The following MTUS2 variants were observed in gnomAD, a reference collection of about 807,000 sequenced individuals.
MTUS2 encodes the protein microtubule associated scaffold protein 2, also known as microtubule-associated tumor suppressor candidate 2.
A neutral mutation model predicts 114.1 loss-of-function variants in MTUS2; 40 were observed. The ratio of observed to expected loss-of-function variants is 0.35; its 90% CI spans 0.27 to 0.46. MTUS2 has a LOEUF of 0.46. Among genes scored for constraint, MTUS2 ranks in the 20% least tolerant of loss-of-function variants. The pLI, the probability that MTUS2 is intolerant of heterozygous loss-of-function variation, is 1.00. For missense variants in MTUS2, 1,679 were observed against 1,705.4 expected, an observed-to-expected ratio of 0.98 and a Z score of 0.27; for synonymous variants, 688 against 672.0, an observed-to-expected ratio of 1.02 and a Z score of -0.37.
At chr13:29,268,184 G>T (rs1434729169) in intron 5 of MTUS2, among the ~76,000 whole-genome samples, 1 of 152,138 alleles carries the variant, frequency 6.6e-6, no homozygotes, top group African/African-American at 2.4e-5. Context: ...TGTGTGATAG[G>T]CATCAGATTT....
intron 7 of MTUS2, among the ~76,000 whole-genome samples, chr13:29,343,276 A>G (rs758224509): frequency 2.6e-5 from 4 of 152,064 alleles, no homozygotes; most frequent in Non-Finnish European, 5.9e-5. Context: ...CTGGGAACTC[A>G]TCTGGTCCTA....
chr13:28,886,853 A>G (rs1270863118), intron 2 of MTUS2, among the ~76,000 whole-genome samples: 1 of 152,228 alleles, frequency 6.6e-6, no homozygotes, highest in Non-Finnish European at 1.5e-5. Context: ...ATGCAGAATG[A>G]TGGCCATGGG....
chr13:29,256,499 A>AG (rs1238670798), intron 5 of MTUS2, among the ~76,000 whole-genome samples: 1 of 152,230 alleles, frequency 6.6e-6, no homozygotes, highest in Non-Finnish European at 1.5e-5. Context: ...AGCACCACGG[A>AG]GGGACAAGGG....
intron 5 of MTUS2, among the ~76,000 whole-genome samples, chr13:29,113,118 T>C (rs778650804): frequency 6.6e-6 from 1 of 152,182 alleles, no homozygotes; most frequent in Non-Finnish European, 1.5e-5. Context: ...TCCCCATGCA[T>C]GATAATTTAT....
In MTUS2 at chr13:29,434,029, A is replaced by T. The variant is rs185992895; in HGVS notation, c.3118-5954A>T. Among the ~76,000 whole-genome samples, 70 of 152,308 alleles carry T rather than the reference A, an allele frequency of 4.6e-4. No homozygotes were observed. The East Asian group carries it at 0.012, about 26-fold the overall frequency. ...ACAGGGTTGGATTTTCCTGATCCAC[A>T]CGGATTTCAGAGCAGGCTAAAAATA... is the stretch of plus-strand genomic sequence containing the variant. On this transcript the variant is annotated intron_variant, in intron 8 of 15. Transcript: ENST00000612955.
At chr13:29,440,317 T>C (rs1168288790) in intron 9 of MTUS2, among the ~76,000 whole-genome samples, 1 of 152,204 alleles carries the variant, frequency 6.6e-6, no homozygotes, top group Admixed American at 6.5e-5. Flanking sequence ...TGGCAGCTCA[T>C]ACATCAGTCT....
intron 5 of MTUS2, among the ~76,000 whole-genome samples, chr13:29,226,200 T>C (rs1175118921): frequency 6.6e-6 from 1 of 152,162 alleles, no homozygotes; most frequent in East Asian, 1.9e-4. Context: ...TACATTCACT[T>C]TAGGTTAAGT....
At chr13:29,471,834 C>G (rs1432367603) in intron 9 of MTUS2, among the ~76,000 whole-genome samples, 1 of 150,868 alleles carries the variant, frequency 6.6e-6, no homozygotes, top group Non-Finnish European at 1.5e-5. Context: ...TTACGGGACC[C>G]CTAGTAGGCT....
rs74443969 is a variant in MTUS2 at position 29,488,118 on chromosome 13, C to G, written c.3505+113C>G. The G allele has an allele frequency of 2.9e-3, 2,340 of 795,412 alleles. 39 individuals carry two copies. In the East Asian group the frequency reaches 0.042, roughly 14 times the overall value. 49.3% of individuals were successfully genotyped at this position (795,412 alleles called of 1,614,324 possible). ...CTCTTGTCCCTCCTTTCCTGTCTTT[C>G]CCTCCTGGTGCATTTTTTCCTGTTG... is the stretch of plus-strand genomic sequence containing the variant. On this transcript the variant is annotated intron_variant, in intron 11 of 15. Coordinates refer to ENST00000612955, the MANE Select transcript of MTUS2 (RefSeq NM_001033602.4).
chr13:29,001,750 A>T (rs1038574882), intron 2 of MTUS2, among the ~76,000 whole-genome samples: 2 of 152,156 alleles, frequency 1.3e-5, no homozygotes, highest in Non-Finnish European at 2.9e-5. Flanking sequence ...AGGTAAGGAT[A>T]TTGAGTTGGA....
At chr13:29,460,523 T>C (rs1482175605) in intron 9 of MTUS2, among the ~76,000 whole-genome samples, 3 of 152,184 alleles carry the variant, frequency 2.0e-5, no homozygotes, top group Admixed American at 1.3e-4. Context: ...TTTCTTCCCA[T>C]CAGAGCTTCA....
At chr13:29,338,892 C>A (rs9508371) in intron 7 of MTUS2, among the ~76,000 whole-genome samples, 6 of 152,154 alleles carry the variant, frequency 3.9e-5, no homozygotes, top group Non-Finnish European at 7.4e-5. Flanking sequence ...GAGAGCAACA[C>A]GGTCTCTTCA....
intron 2 of MTUS2, among the ~76,000 whole-genome samples, chr13:28,978,166 A>C (rs561603268): frequency 3.9e-5 from 6 of 152,324 alleles, no homozygotes; most frequent in African/African-American, 1.4e-4. Context: ...CTTGACATTC[A>C]TTAGAATATA....
At chr13:29,420,459 G>C (rs530796302) in intron 8 of MTUS2, among the ~76,000 whole-genome samples, 7 of 152,108 alleles carry the variant, frequency 4.6e-5, no homozygotes, top group African/African-American at 1.7e-4. Flanking sequence ...TGTATTTTTA[G>C]TAGAGAGAGG....
intron 5 of MTUS2, among the ~76,000 whole-genome samples, chr13:29,203,659 C>T (rs1895058081): frequency 6.6e-6 from 1 of 151,884 alleles, no homozygotes; most frequent in South Asian, 2.1e-4. Context: ...GGCATAGGCA[C>T]CCAAGGGAAT....
chr13:29,320,301 G>C (rs1373490034), intron 6 of MTUS2, among the ~76,000 whole-genome samples: 1 of 152,196 alleles, frequency 6.6e-6, no homozygotes, highest in African/African-American at 2.4e-5. Flanking sequence ...CTCTCCCCTG[G>C]AGAGTCTAGA....
intron 2 of MTUS2, among the ~76,000 whole-genome samples, chr13:29,018,946 C>T (rs1886180031): frequency 6.6e-6 from 1 of 152,156 alleles, no homozygotes; most frequent in South Asian, 2.1e-4. Flanking sequence ...TTCATGCTAG[C>T]AACCCTGATG....
intron 9 of MTUS2, among the ~76,000 whole-genome samples, chr13:29,468,385 C>G (rs1416508368): frequency 1.1e-4 from 17 of 152,068 alleles, no homozygotes; most frequent in Admixed American, 1.1e-3. Flanking sequence ...TCTAGACCAG[C>G]CTGGCCAACA....
intron 1 of MTUS2, among the ~76,000 whole-genome samples, chr13:28,833,808 A>G (rs1224039317): frequency 6.6e-6 from 1 of 152,126 alleles, no homozygotes; most frequent in African/African-American, 2.4e-5. Flanking sequence ...AGGACTGTAT[A>G]CACAGACTGT....
Sources: gnomAD v4.1 joint callset for allele counts (sites outside exome capture counted in the v4.1 genomes callset) on GRCh38, gnomAD v4.1.1 for gene constraint, MANE v1.5 for transcripts, NCBI Gene and HGNC (gene_info 2026-07-23, HGNC 2026-07-21) for gene names.